TAFA1: variants seen among roughly 807,000 people sequenced by gnomAD.
The protein encoded by TAFA1 is TAFA chemokine like family member 1.
A neutral mutation model predicts 18.5 loss-of-function variants in TAFA1; 4 were observed. That is an observed-to-expected ratio of 0.22 (90% CI 0.11 to 0.49). The LOEUF is 0.49. Ranked by LOEUF, TAFA1 falls within the 20% of genes least tolerant of loss-of-function variation. The pLI, the probability that TAFA1 is intolerant of heterozygous loss-of-function variation, is 0.98. For synonymous variants in TAFA1, 56 were observed against 55.2 expected (o/e 1.01, Z -0.06); for missense variants, 147 against 169.0 (o/e 0.87, Z 0.72).
chr3:68,241,145 G>GA (rs1026220186), intron 2 of TAFA1, among the ~76,000 whole-genome samples: 3 of 151,884 alleles, frequency 2.0e-5, no homozygotes, highest in African/African-American at 7.3e-5. Flanking sequence ...GCGGTTATAA[G>GA]AAAAAAATTA....
intron 3 of TAFA1, among the ~76,000 whole-genome samples, chr3:68,444,372 C>G (rs2071437724): frequency 6.6e-6 from 1 of 152,144 alleles, no homozygotes; most frequent in African/African-American, 2.4e-5. Context: ...AAGTCTTCTT[C>G]TTTTTCTCTG....
At chr3:68,221,743 G>A (rs1239161067) in intron 2 of TAFA1, among the ~76,000 whole-genome samples, 1 of 152,184 alleles carries the variant, frequency 6.6e-6, no homozygotes, top group East Asian at 1.9e-4. Flanking sequence ...AATAGAATGA[G>A]CAAATGTACT....
chr3:68,188,748 A>T (rs4478080), intron 2 of TAFA1, among the ~76,000 whole-genome samples: 100,555 of 151,678 alleles, frequency 0.66, 34,060 homozygotes, highest in South Asian at 0.78. Flanking sequence ...TGCACTAAGG[A>T]CAGAACCATG....
At chr3:68,278,591 G>A (rs889522125) in intron 2 of TAFA1, among the ~76,000 whole-genome samples, 2 of 152,094 alleles carry the variant, frequency 1.3e-5, no homozygotes, top group Non-Finnish European at 2.9e-5. Context: ...CAGAGATAGT[G>A]CCATCACTTT....
At chr3:68,031,652 G>A (rs1217387555) in intron 2 of TAFA1, among the ~76,000 whole-genome samples, 1 of 152,132 alleles carries the variant, frequency 6.6e-6, no homozygotes, top group Non-Finnish European at 1.5e-5. Context: ...CCAAAGCCTA[G>A]CAGAGTGGCC....
In TAFA1 at chr3:68,389,123, T is replaced by G. The variant is rs976668162; in HGVS notation, c.119-28157T>G. Among the ~76,000 whole-genome samples the G allele has an allele frequency of 4.6e-5, 7 of 152,194 alleles. No homozygotes were observed. In the East Asian group the frequency reaches 1.3e-3, roughly 29 times the overall value. ...ATTTTTGAAGTTCATCCATGTAGGT[T>G]GATATTTTGGGAAACATGCCTAGAC... On this transcript the variant is annotated intron_variant, in intron 2 of 4. Coordinates refer to ENST00000478136, the MANE Select transcript of TAFA1 (RefSeq NM_213609.4).
At chr3:68,488,551 C>A (rs1479655024) in intron 3 of TAFA1, among the ~76,000 whole-genome samples, 1 of 152,202 alleles carries the variant, frequency 6.6e-6, no homozygotes, top group Non-Finnish European at 1.5e-5. Flanking sequence ...GACCAAAACT[C>A]TGGAGTCCTA....
chr3:68,183,839 T>C (rs9814953), intron 2 of TAFA1, among the ~76,000 whole-genome samples: 103,716 of 152,034 alleles, frequency 0.68, 35,736 homozygotes, highest in South Asian at 0.78. Flanking sequence ...TACAAAACAG[T>C]AGTAACTGTA....
At chr3:68,103,393 C>T (rs1237416455) in intron 2 of TAFA1, among the ~76,000 whole-genome samples, 1 of 152,204 alleles carries the variant, frequency 6.6e-6, no homozygotes, top group African/African-American at 2.4e-5. Flanking sequence ...TTATATGTCA[C>T]AGTAATTCCA....
chr3:68,305,432 TATATATATATATATATATATATATAG>T (rs1399297451), intron 2 of TAFA1, among the ~76,000 whole-genome samples: 2 of 102,004 alleles, frequency 2.0e-5, no homozygotes, highest in Admixed American at 9.9e-5. Context: ...TATATATATA[TATATATATATATATATATATATATAG>T]GTAGAAGGGG....
At chr3:68,202,190 T>C (rs1205109452) in intron 2 of TAFA1, among the ~76,000 whole-genome samples, 1 of 151,762 alleles carries the variant, frequency 6.6e-6, no homozygotes, top group Admixed American at 6.6e-5. Flanking sequence ...CACTTTCTTT[T>C]AAATAATATT....
At chr3:68,361,458 A>G (rs1437641102) in intron 2 of TAFA1, among the ~76,000 whole-genome samples, 8 of 152,050 alleles carry the variant, frequency 5.3e-5, no homozygotes, top group African/African-American at 1.9e-4. Flanking sequence ...GCAACAATGC[A>G]TTGCATATTT....
intron 3 of TAFA1, among the ~76,000 whole-genome samples, chr3:68,531,660 T>C (rs2073189975): frequency 6.6e-6 from 1 of 152,134 alleles, no homozygotes; most frequent in Non-Finnish European, 1.5e-5. Context: ...CTCATCCAAC[T>C]CCTGAGATCT....
chr3:68,400,265 A>T (rs1462912206), intron 2 of TAFA1, among the ~76,000 whole-genome samples: 1 of 152,206 alleles, frequency 6.6e-6, no homozygotes, highest in Non-Finnish European at 1.5e-5. Flanking sequence ...GGAACAGTGG[A>T]TTTCATCTAC....
At chr3:68,029,147 T>G (rs1704879516) in intron 2 of TAFA1, among the ~76,000 whole-genome samples, 1 of 152,160 alleles carries the variant, frequency 6.6e-6, no homozygotes, top group African/African-American at 2.4e-5. Context: ...ATCACATTTT[T>G]TTTAACCACA....
chr3:68,039,996 A>G (rs1311563288), intron 2 of TAFA1, among the ~76,000 whole-genome samples: 1 of 152,160 alleles, frequency 6.6e-6, no homozygotes, highest in Non-Finnish European at 1.5e-5. Context: ...CCCTGCATTT[A>G]TGTTCATAGA....
At chr3:68,440,714 G>T (rs1326488563) in intron 3 of TAFA1, among the ~76,000 whole-genome samples, 1 of 152,090 alleles carries the variant, frequency 6.6e-6, no homozygotes, top group East Asian at 1.9e-4. Flanking sequence ...GTTTCCCATT[G>T]ACCTTAGTCA....
At chr3:68,492,701 A>T (rs1243671956) in intron 3 of TAFA1, among the ~76,000 whole-genome samples, 4 of 152,200 alleles carry the variant, frequency 2.6e-5, no homozygotes, top group African/African-American at 4.8e-5. Flanking sequence ...CAGAACATCA[A>T]GAATAAGCAA....
intron 2 of TAFA1, among the ~76,000 whole-genome samples, chr3:68,176,499 C>T (rs2066128195): frequency 6.6e-6 from 1 of 152,132 alleles, no homozygotes; most frequent in Admixed American, 6.6e-5. Flanking sequence ...ATAAAGTTTA[C>T]AGATCATTTA....
Sources: gnomAD v4.1 joint callset for allele counts (sites outside exome capture counted in the v4.1 genomes callset) on GRCh38, gnomAD v4.1.1 for gene constraint, MANE v1.5 for transcripts, NCBI Gene and HGNC (gene_info 2026-07-23, HGNC 2026-07-21) for gene names.